Variants in SVIL observed in about 807,000 individuals in gnomAD.
SVIL encodes the protein supervillin.
In SVIL, 101 loss-of-function variants were observed where a neutral mutation model predicts 240.4. The ratio of observed to expected loss-of-function variants is 0.42; its 90% CI spans 0.36 to 0.50. The LOEUF (loss-of-function observed/expected upper bound fraction) is 0.50. SVIL is among the 20% of genes least tolerant of loss of function. The pLI is 0.01. For missense variants in SVIL, 2,512 were observed against 2,818.7 expected (o/e 0.89, Z 2.46); for synonymous variants, 999 against 1,100.0 (o/e 0.91, Z 1.82).
At chr10:29,594,954 C>T (rs933814463) in intron 1 of SVIL, among the ~76,000 whole-genome samples, 6 of 152,230 alleles carry the variant, frequency 3.9e-5, no homozygotes, top group Non-Finnish European at 8.8e-5. Flanking sequence ...GTTTCATACA[C>T]TGAGAAGTTC....
intron 34 of SVIL, 24 bp downstream of exon 34, chr10:29,465,571 A>G (rs368340289): frequency 9.5e-6 from 15 of 1,581,506 alleles, no homozygotes; most frequent in Non-Finnish European, 1.2e-5. Flanking sequence ...ACTGCTCAGC[A>G]TAGCTGCCCC....
chr10:29,711,708 C>T (rs937057460), intron 1 of SVIL, among the ~76,000 whole-genome samples: 3 of 148,840 alleles, frequency 2.0e-5, no homozygotes, highest in East Asian at 4.1e-4. Context: ...TGCAGTGAGC[C>T]GAGATCACGC....
intron 1 of SVIL, among the ~76,000 whole-genome samples, chr10:29,584,163 G>A (rs567041980): frequency 5.9e-5 from 9 of 152,344 alleles, no homozygotes; most frequent in African/African-American, 1.2e-4. Flanking sequence ...CCTCACCTCC[G>A]TGCCAGGAAG....
intron 3 of SVIL, among the ~76,000 whole-genome samples, chr10:29,644,810 T>G (rs1958603566): frequency 6.6e-6 from 1 of 152,098 alleles, no homozygotes; most frequent in Non-Finnish European, 1.5e-5. Context: ...TACCCTAAGG[T>G]TTAGCCAGTG....
chr10:29,506,770 AGAGGGAAAGGACAGAGGCCCTAT>A (rs1179694257), intron 17 of SVIL, among the ~76,000 whole-genome samples: 80 of 139,558 alleles, frequency 5.7e-4, no homozygotes, highest in African/African-American at 9.9e-4. Context: ...CAGAGGCCCT[AGAGGGAAAGGACAGAGGCCCTAT>A]GAGGGAGGGG....
chr10:29,497,950 C>T (rs376407592), intron 18 of SVIL, among the ~76,000 whole-genome samples: 49 of 151,290 alleles, frequency 3.2e-4, no homozygotes, highest in African/African-American at 9.2e-4. Context: ...GGCATGGTGG[C>T]GCGCGCCTGT....
At chr10:29,664,416 T>C (rs964327779) in intron 2 of SVIL, among the ~76,000 whole-genome samples, 4 of 152,190 alleles carry the variant, frequency 2.6e-5, no homozygotes, top group African/African-American at 9.7e-5. Context: ...ATATTGTCTA[T>C]AGCAGGAGAC....
intron 21 of SVIL, among the ~76,000 whole-genome samples, chr10:29,492,531 A>AC (rs1948069735): frequency 6.6e-6 from 1 of 151,760 alleles, no homozygotes; most frequent in South Asian, 2.1e-4. Context: ...GAGCCGGCAA[A>AC]CCCCTCCGCA....
chr10:29,572,751 G>T (rs1405027820), intron 1 of SVIL, among the ~76,000 whole-genome samples: 1 of 108,720 alleles, frequency 9.2e-6, no homozygotes, highest in Non-Finnish European at 1.7e-5. Context: ...GCAACAGAGT[G>T]AGATCCTATC....
At chr10:29,458,818 A>G in intron 36 of SVIL, 1 of 306,190 alleles carries the variant, frequency 3.3e-6, no homozygotes, top group Non-Finnish European at 5.9e-6. Flanking sequence ...AAAAAATGGT[A>G]TTTTTTGAGA....
intron 1 of SVIL, among the ~76,000 whole-genome samples, chr10:29,573,167 G>T (rs909961259): frequency 2.0e-5 from 3 of 152,002 alleles, no homozygotes; most frequent in East Asian, 1.9e-4. Context: ...CTGGTACTGA[G>T]CATAGTACCC....
intron 17 of SVIL, 54 bp downstream of exon 17, chr10:29,512,681 C>T (rs778497693): frequency 8.1e-6 from 13 of 1,613,140 alleles, no homozygotes; most frequent in East Asian, 2.2e-5. Flanking sequence ...CTTTTTGATG[C>T]ACTTCCAAGA....
At chr10:29,617,036 T>C (rs115295240) in intron 1 of SVIL, among the ~76,000 whole-genome samples, 3,168 of 152,186 alleles carry the variant, frequency 0.021, 126 homozygotes, top group African/African-American at 0.073. Context: ...GTGCAACTCT[T>C]AACACCAGAG....
chr10:29,561,272 T>C lies in SVIL; in HGVS notation c.-51+1929A>G, dbSNP rs1358702389. ...TGACAAATTTTTTAATACAACTGGC[T>C]AATAAGCTTAGGTGTTCTAAAAGTT... is the stretch of plus-strand genomic sequence containing the variant. On this transcript the variant is annotated intron_variant, in intron 3 of 37. Transcript: ENST00000355867. 2.0e-5 allele frequency among the ~76,000 whole-genome samples: 3 copies of C among 152,132 alleles called. 1 individual carries two copies. The highest frequency in any genetic ancestry group is 2.0e-4 in the Admixed American group (3 of 15,292).
At chr10:29,531,227 AG>A (rs1459357795) in intron 10 of SVIL, 26 bp downstream of exon 10, 1 of 1,611,824 alleles carries the variant, frequency 6.2e-7, no homozygotes, top group Non-Finnish European at 8.5e-7. Context: ...ATAATAAAGA[AG>A]AAAAAAAAGG....
chr10:29,627,036 T>TAAAAATAAAATAAAA (rs1957902371), intron 1 of SVIL, among the ~76,000 whole-genome samples: 3 of 141,286 alleles, frequency 2.1e-5, no homozygotes, highest in African/African-American at 8.1e-5. Flanking sequence ...AAAAATAAAA[T>TAAAAATAAAATAAAA]GAAAATAAAA....
At chr10:29,618,151 G>A (rs1311374050) in intron 1 of SVIL, among the ~76,000 whole-genome samples, 1 of 152,216 alleles carries the variant, frequency 6.6e-6, no homozygotes, top group Non-Finnish European at 1.5e-5. Flanking sequence ...CTGTCCTCTT[G>A]AGGAGGGAGG....
chr10:29,467,827 G>A lies in SVIL; in HGVS notation c.5892C>T (p.His1964=), dbSNP rs200477435. The part of the protein sequence containing the change: ...GLHSSSKVTI[H]ECDEGSEPLG... ...GTGGCTCGGAGCCTTCATCACACTC[G>A]TGTATTGTGACTTTGCTGCTACTAT... Residue 1964 remains histidine (H), a synonymous_variant, in exon 33 of 38, where the codon CAC becomes CAT. Transcript: ENST00000355867. 7.9e-5 allele frequency: 127 copies of A among 1,614,134 alleles called. No homozygotes were observed. The highest frequency in any genetic ancestry group is 8.8e-5 in the Non-Finnish European group (104 of 1,179,998).
At chr10:29,725,528 C>G (rs1045471510) in intron 1 of SVIL, among the ~76,000 whole-genome samples, 2 of 152,158 alleles carry the variant, frequency 1.3e-5, no homozygotes, top group African/African-American at 4.8e-5. Flanking sequence ...GGCAGGCTTC[C>G]CCTCCACGAG....
Sources: gnomAD v4.1 joint callset for allele counts (sites outside exome capture counted in the v4.1 genomes callset) on GRCh38, gnomAD v4.1.1 for gene constraint, MANE v1.5 for transcripts, NCBI Gene and HGNC (gene_info 2026-07-23, HGNC 2026-07-21) for gene names.